TMEM38B: variants seen among roughly 807,000 people sequenced by gnomAD.
TMEM38B encodes transmembrane protein 38B.
Under a neutral mutation model 28.7 loss-of-function variants are expected in TMEM38B, and 24 were observed. The observed-to-expected ratio is 0.84, with a 90% CI of 0.61 to 1.18. The LOEUF is 1.18. Ranked by LOEUF, TMEM38B falls within the 50% of genes most tolerant of loss-of-function variation. The pLI is 0.00. For synonymous variants in TMEM38B, 131 were observed against 127.7 expected (o/e 1.03, Z -0.17); for missense variants, 380 against 350.9 (o/e 1.08, Z -0.66).
At chr9:105,715,313 C>T (rs1054836702) in intron 2 of TMEM38B, among the ~76,000 whole-genome samples, 2 of 151,894 alleles carry the variant, frequency 1.3e-5, no homozygotes. Context: ...TTTTCTTTCT[C>T]TTTTAAGATC....
rs111982362 is a variant in TMEM38B, at chr9:105,721,524, A to G, written c.270-13A>G. On this transcript the variant is annotated splice_polypyrimidine_tract_variant and intron_variant, in intron 2 of 5. Transcript: ENST00000374692. Reference sequence around the variant, plus strand: ...TCCATTAATATATTAAAATGTTTACATTTCATTTTCAGGTATATTACATTT... The same window carrying G: ...TCCATTAATATATTAAAATGTTTACGTTTCATTTTCAGGTATATTACATTT... The G allele has an allele frequency of 5.7e-6, 9 of 1,567,218 alleles. No homozygotes were observed. The highest frequency in any genetic ancestry group is 2.7e-5 in the African/African-American group (2 of 72,982).
At chr9:105,717,428 C>T (rs896831263) in intron 2 of TMEM38B, among the ~76,000 whole-genome samples, 2 of 151,954 alleles carry the variant, frequency 1.3e-5, no homozygotes, top group Non-Finnish European at 2.9e-5. Flanking sequence ...TTTTAAAACA[C>T]TATTTATAAT....
At chr9:105,718,841 T>TAA (rs1432800283) in intron 2 of TMEM38B, among the ~76,000 whole-genome samples, 1 of 152,164 alleles carries the variant, frequency 6.6e-6, no homozygotes, top group Non-Finnish European at 1.5e-5. Context: ...CACATTTGTG[T>TAA]AACCGAGACT....
At chr9:105,723,046 G>T (rs947573742) in intron 4 of TMEM38B, among the ~76,000 whole-genome samples, 1 of 152,128 alleles carries the variant, frequency 6.6e-6, no homozygotes, top group African/African-American at 2.4e-5. Context: ...AAAATGTTAA[G>T]TTTATGGGAT....
At chr9:105,722,066 G>T (rs1836338573) in intron 3 of TMEM38B, among the ~76,000 whole-genome samples, 1 of 151,972 alleles carries the variant, frequency 6.6e-6, no homozygotes. Flanking sequence ...AAAAAATATT[G>T]CTCTGTCTTT....
Position 105,753,564 on chromosome 9 carries a change from C to G in TMEM38B, c.660+5374C>G, listed in dbSNP as rs560350519. 3.3e-5 allele frequency among the ~76,000 whole-genome samples: 5 copies of G among 152,242 alleles called. No individual in the cohort carries two copies. In the East Asian group the frequency reaches 9.6e-4, roughly 29 times the overall value. On this transcript the variant is annotated intron_variant, in intron 5 of 5. Transcript: ENST00000374692. ...ACCCAGAATTTCATATCCAGCCAAA[C>G]TAAGCTTCATAATTGAAGGAGAAAT...
Position 105,722,569 on chromosome 9 carries a change from T to A in TMEM38B, c.490T>A (p.Leu164Met), listed in dbSNP as rs368903738. Reference sequence around the variant, plus strand: ...TACCATTATAACGAATTTTGAGAGGTTGGTAAAAGGAGATTGGAAACCAGA... The same window carrying A: ...TACCATTATAACGAATTTTGAGAGGATGGTAAAAGGAGATTGGAAACCAGA... ...GGTIITNFER[L>M]VKGDWKPEGD... Residue 164 changes from leucine to methionine, a missense_variant, in exon 4 of 6, where the codon TTG becomes ATG. Coordinates refer to ENST00000374692, the MANE Select transcript of TMEM38B (RefSeq NM_018112.3). 3.8e-5 allele frequency: 61 copies of A among 1,613,560 alleles called. 2 individuals carry two copies. Among genetic ancestry groups the A allele is most frequent in the East Asian group, 2.9e-4 (13 of 44,814 alleles).
intron 2 of TMEM38B, chr9:105,710,355 A>G: frequency 6.8e-6 from 5 of 737,972 alleles, no homozygotes; most frequent in South Asian, 4.9e-5. Context: ...CTAGGATTAT[A>G]TGATCTTCTA....
chr9:105,718,882 G>T (rs75808902), intron 2 of TMEM38B, among the ~76,000 whole-genome samples: 3,523 of 152,072 alleles, frequency 0.023, 134 homozygotes, highest in African/African-American at 0.081. Flanking sequence ...ACAACAAAAG[G>T]TATCATTTTA....
At chr9:105,759,754 C>T (rs1327312892) in intron 5 of TMEM38B, 44 of 1,607,174 alleles carry the variant, frequency 2.7e-5, no homozygotes, top group Non-Finnish European at 3.2e-5. Context: ...AAAGCCATTC[C>T]GTGCTGGTTT....
At chr9:105,712,175 A>G (rs901939218) in intron 2 of TMEM38B, among the ~76,000 whole-genome samples, 2 of 152,164 alleles carry the variant, frequency 1.3e-5, no homozygotes, top group Admixed American at 1.3e-4. Context: ...TTGGCCTCCC[A>G]AGGTGCTGGG....
intron 5 of TMEM38B, 35 bp downstream of exon 5, chr9:105,748,225 C>A: frequency 6.9e-7 from 1 of 1,446,736 alleles, no homozygotes; most frequent in Non-Finnish European, 9.7e-7. Flanking sequence ...TATTACAAAT[C>A]CTGTATAACT....
chr9:105,762,689 G>A (rs1838107886), intron 5 of TMEM38B, among the ~76,000 whole-genome samples: 1 of 137,886 alleles, frequency 7.3e-6, no homozygotes, highest in Admixed American at 7.3e-5. Flanking sequence ...CCAAGTCTTT[G>A]CTATTGTGAA....
intron 2 of TMEM38B, among the ~76,000 whole-genome samples, chr9:105,714,669 A>G (rs1484166977): frequency 2.6e-5 from 4 of 152,240 alleles, no homozygotes; most frequent in Non-Finnish European, 1.5e-5. Context: ...ATCGAAGCTC[A>G]AATTATCCCA....
intron 5 of TMEM38B, among the ~76,000 whole-genome samples, chr9:105,751,614 C>T (rs1348152375): frequency 6.6e-6 from 1 of 152,212 alleles, no homozygotes. Flanking sequence ...TCCATGGCAT[C>T]TCATAATTTA....
At chr9:105,761,294 ATATGTGTATATTT>A (rs1319136013) in intron 5 of TMEM38B, among the ~76,000 whole-genome samples, 1 of 152,130 alleles carries the variant, frequency 6.6e-6, no homozygotes, top group African/African-American at 2.4e-5. Flanking sequence ...TGTTTTTAAA[ATATGTGTATATTT>A]TATCAGATTT....
chr9:105,729,272 G>A (rs1044766140), intron 4 of TMEM38B, among the ~76,000 whole-genome samples: 17 of 152,156 alleles, frequency 1.1e-4, no homozygotes, highest in Admixed American at 6.6e-4. Flanking sequence ...GTGTAAGGAA[G>A]GGATCCGGTT....
intron 5 of TMEM38B, among the ~76,000 whole-genome samples, chr9:105,762,710 A>G (rs1439366159): frequency 1.0e-4 from 15 of 144,740 alleles, no homozygotes; most frequent in South Asian, 2.3e-4. Context: ...TAATGCCGCA[A>G]TAAACATACA....
intron 2 of TMEM38B, among the ~76,000 whole-genome samples, chr9:105,717,999 C>T (rs1836172213): frequency 6.6e-6 from 1 of 152,150 alleles, no homozygotes; most frequent in African/African-American, 2.4e-5. Context: ...AGGTTAATAA[C>T]TTGCCTAAGG....
Sources: gnomAD v4.1 joint callset for allele counts (sites outside exome capture counted in the v4.1 genomes callset) on GRCh38, gnomAD v4.1.1 for gene constraint, MANE v1.5 for transcripts, NCBI Gene and HGNC (gene_info 2026-07-23, HGNC 2026-07-21) for gene names.